Variants in HSPA12A observed in about 807,000 individuals in gnomAD.
HSPA12A encodes heat shock protein family A (Hsp70) member 12A.
In HSPA12A, 28 loss-of-function variants were observed where a neutral mutation model predicts 69.2. The observed-to-expected ratio is 0.40, with a 90% CI of 0.30 to 0.55. The LOEUF (loss-of-function observed/expected upper bound fraction) is 0.55, where lower values mean the gene tolerates loss of function less well. Ranked by LOEUF, HSPA12A falls within the 20% of genes least tolerant of loss-of-function variation. The pLI is 0.38. For synonymous variants in HSPA12A, 345 were observed against 370.5 expected, an observed-to-expected ratio of 0.93 and a Z score of 0.79; for missense variants, 686 against 900.7, an observed-to-expected ratio of 0.76 and a Z score of 3.05.
chr10:116,719,050 TC>T (rs1850695444), intron 1 of HSPA12A, among the ~76,000 whole-genome samples: 1 of 152,100 alleles, frequency 6.6e-6, no homozygotes, highest in Non-Finnish European at 1.5e-5. Context: ...TCGGCTCAGG[TC>T]CCTGCTGGTC....
intron 5 of HSPA12A, among the ~76,000 whole-genome samples, chr10:116,695,438 C>A (rs1554880693): frequency 6.6e-6 from 1 of 152,044 alleles, no homozygotes; most frequent in Non-Finnish European, 1.5e-5. Flanking sequence ...AATCCCAGCA[C>A]TTTGAGTGGC....
intron 1 of HSPA12A, among the ~76,000 whole-genome samples, chr10:116,714,553 T>TC (rs1180513796): frequency 6.6e-6 from 1 of 152,078 alleles, no homozygotes; most frequent in African/African-American, 2.4e-5. Context: ...GCCTGCCCCC[T>TC]CCCCCAGACA....
chr10:116,850,614 A>C (rs1250257416), upstream of HSPA12A, among the ~76,000 whole-genome samples: 1 of 151,934 alleles, frequency 6.6e-6, no homozygotes, highest in East Asian at 1.9e-4. Context: ...ATGAAGAGGC[A>C]GATGTGCTGT....
At chr10:116,821,433 A>G (rs1845407376) in intron 2 of HSPA12A, among the ~76,000 whole-genome samples, 1 of 152,132 alleles carries the variant, frequency 6.6e-6, no homozygotes. Context: ...CCACCTTCTC[A>G]GGAGGCCTCC....
At chr10:116,708,813 G>C (rs1850337278) in intron 1 of HSPA12A, among the ~76,000 whole-genome samples, 1 of 152,222 alleles carries the variant, frequency 6.6e-6, no homozygotes, top group African/African-American at 2.4e-5. Flanking sequence ...TTAGTCTGTA[G>C]AGAAATGCTA....
At chr10:116,704,443 C>T (rs1554882043) in intron 3 of HSPA12A, among the ~76,000 whole-genome samples, 2 of 151,876 alleles carry the variant, frequency 1.3e-5, no homozygotes, top group Non-Finnish European at 2.9e-5. Context: ...GGGAACATCA[C>T]ACACCAGGGA....
intron 2 of HSPA12A, among the ~76,000 whole-genome samples, chr10:116,752,094 T>C (rs1040976550): frequency 6.6e-6 from 1 of 152,166 alleles, no homozygotes; most frequent in East Asian, 1.9e-4. Context: ...GTTCTCCCTC[T>C]AAGAAGTCCA....
intron 5 of HSPA12A, among the ~76,000 whole-genome samples, chr10:116,693,608 A>T (rs1291299236): frequency 6.6e-6 from 1 of 152,210 alleles, no homozygotes; most frequent in Non-Finnish European, 1.5e-5. Context: ...CTCTGGAGAG[A>T]CAAGAAAGAT....
intron 9 of HSPA12A, among the ~76,000 whole-genome samples, chr10:116,680,164 AT>A (rs1179841487): frequency 2.0e-4 from 31 of 151,940 alleles, no homozygotes; most frequent in African/African-American, 6.3e-4. Context: ...TAATTTTTGT[AT>A]TTTTAGTAGA....
chr10:116,722,954 G>T (rs1850827543), intron 1 of HSPA12A, among the ~76,000 whole-genome samples: 1 of 152,070 alleles, frequency 6.6e-6, no homozygotes. Flanking sequence ...TTTGCTGAAT[G>T]AACAAGGTAG....
intron 2 of HSPA12A, among the ~76,000 whole-genome samples, chr10:116,799,843 T>C (rs1844917652): frequency 6.6e-6 from 1 of 152,166 alleles, no homozygotes; most frequent in Non-Finnish European, 1.5e-5. Context: ...AAAGATTTAG[T>C]GAGAACTCAT....
intron 1 of HSPA12A, among the ~76,000 whole-genome samples, chr10:116,719,675 T>A (rs1406135619): frequency 6.6e-6 from 1 of 152,232 alleles, no homozygotes; most frequent in Non-Finnish European, 1.5e-5. Context: ...GAGGATTAAA[T>A]AAGAATAATG....
chr10:116,833,369 G>A (rs569471572), intron 2 of HSPA12A: 10 of 152,274 alleles, frequency 6.6e-5, no homozygotes, highest in African/African-American at 2.4e-4. Context: ...TGCAGCCTGG[G>A]GGAGCTGAGA....
chr10:116,705,252 T>G lies in HSPA12A; in HGVS notation c.153A>C (p.Glu51Asp). The G allele has an allele frequency of 6.2e-7, 1 of 1,614,062 alleles. No homozygotes were observed. Among genetic ancestry groups the G allele is most frequent in the Non-Finnish European group, 8.5e-7 (1 of 1,180,002 alleles). ...IVNDTDSNVS[E>D]QQSFLVVVAV... ...CCACCACCACGAGAAATGACTGCTG[T>G]TCTGAGACGTTGGAGTCAGTGTCGT... Residue 51 changes from glutamate (E) to aspartate (D), a missense_variant, in exon 3 of 12, where the codon GAA (glutamate) becomes GAC (aspartate). Glu to Asp is a conservative substitution (Grantham distance 45). Transcript: ENST00000369209.
intron 2 of HSPA12A, among the ~76,000 whole-genome samples, chr10:116,818,766 G>A (rs1199948848): frequency 6.6e-6 from 1 of 152,168 alleles, no homozygotes; most frequent in Non-Finnish European, 1.5e-5. Context: ...GGGAGTATGT[G>A]ATCCCTAAAT....
At chr10:116,820,430 A>T (rs1174146091) in intron 2 of HSPA12A, among the ~76,000 whole-genome samples, 2 of 152,218 alleles carry the variant, frequency 1.3e-5, no homozygotes, top group African/African-American at 4.8e-5. Flanking sequence ...GGAGGAAGCC[A>T]GGAGTGTTAC....
At chr10:116,685,803 C>T (rs1343314701) in intron 6 of HSPA12A, among the ~76,000 whole-genome samples, 2 of 152,162 alleles carry the variant, frequency 1.3e-5, no homozygotes, top group African/African-American at 4.8e-5. Context: ...TACCAGCAGG[C>T]AGGTGACTGA....
chr10:116,741,767 G>A (rs1015942933), intron 1 of HSPA12A, among the ~76,000 whole-genome samples: 5 of 152,132 alleles, frequency 3.3e-5, no homozygotes, highest in Non-Finnish European at 7.4e-5. Flanking sequence ...TCCGCACTGG[G>A]TGCCTCCCCC....
At position 116,676,499 on chromosome 10, in the gene HSPA12A, C is replaced by T; in HGVS notation, c.1290G>A (p.Val430=). Residue 430 remains valine, a synonymous_variant, in exon 11 of 12, where the codon GTG becomes GTA. Transcript: ENST00000369209. ...SVEHALRKSN[V]DFVKWSSQGM... ...CCTGCGAGGACCACTTCACAAAATC[C>T]ACACTGCAGGAGCATAGCATGGAGA... 1 of 1,613,018 alleles carries T rather than the reference C, an allele frequency of 6.2e-7. No homozygotes were observed. Among genetic ancestry groups the T allele is most frequent in the Non-Finnish European group, 8.5e-7 (1 of 1,179,280 alleles).
Sources: allele counts gnomAD v4.1 joint callset (sites outside exome capture counted in the v4.1 genomes callset), GRCh38; gene constraint gnomAD v4.1.1; transcripts MANE v1.5; gene names NCBI Gene and HGNC (gene_info 2026-07-23, HGNC 2026-07-21).